TMEM117: variants seen among roughly 807,000 people sequenced by gnomAD.
TMEM117 encodes transmembrane protein 117.
A neutral mutation model predicts 52.4 loss-of-function variants in TMEM117; 27 were observed. The observed-to-expected ratio is 0.51, with a 90% CI of 0.38 to 0.71. The LOEUF (loss-of-function observed/expected upper bound fraction) is 0.71. Among genes scored for constraint, TMEM117 ranks in the 30% least tolerant of loss-of-function variants. The pLI is 0.00. For missense variants in TMEM117, 556 were observed against 630.5 expected (o/e 0.88, Z 1.26); for synonymous variants, 215 against 206.3 (o/e 1.04, Z -0.36).
intron 3 of TMEM117, among the ~76,000 whole-genome samples, chr12:43,948,491 GAGA>G (rs1326309586): frequency 6.6e-6 from 1 of 151,990 alleles, no homozygotes; most frequent in Non-Finnish European, 1.5e-5. Context: ...ATTTTTAATA[GAGA>G]CGGGGTTTCA....
chr12:44,211,819 T>G (rs113909490), intron 5 of TMEM117, among the ~76,000 whole-genome samples: 39 of 152,350 alleles, frequency 2.6e-4, no homozygotes, highest in Non-Finnish European at 4.1e-4. Context: ...CTTCTTTATG[T>G]AGTTTCGTTT....
chr12:43,990,633 T>A (rs1945922822), intron 3 of TMEM117, among the ~76,000 whole-genome samples: 1 of 152,232 alleles, frequency 6.6e-6, no homozygotes, highest in Admixed American at 6.6e-5. Context: ...GTGTGCTGGA[T>A]CTTTCATCCA....
intron 3 of TMEM117, among the ~76,000 whole-genome samples, chr12:44,104,358 A>C (rs1947916093): frequency 6.6e-6 from 1 of 151,652 alleles, no homozygotes; most frequent in Non-Finnish European, 1.5e-5. Flanking sequence ...AGCATACACA[A>C]TCTCATCAAT....
At chr12:43,904,745 T>A (rs1944356998) in intron 2 of TMEM117, among the ~76,000 whole-genome samples, 1 of 152,242 alleles carries the variant, frequency 6.6e-6, no homozygotes, top group Admixed American at 6.5e-5. Context: ...ATATTCTCTG[T>A]ACGCAAGAAA....
chr12:44,262,800 G>C (rs936648710), intron 5 of TMEM117, among the ~76,000 whole-genome samples: 1 of 152,158 alleles, frequency 6.6e-6, no homozygotes, highest in Non-Finnish European at 1.5e-5. Context: ...TGTTAGCCAA[G>C]ATGGTCTCCA....
intron 3 of TMEM117, among the ~76,000 whole-genome samples, chr12:44,022,517 G>C (rs1294773350): frequency 1.3e-5 from 2 of 152,158 alleles, no homozygotes; most frequent in Non-Finnish European, 2.9e-5. Context: ...CTAATGCATA[G>C]ACATGCATAT....
At chr12:43,814,738 CTTTTTTTTT>C in the TMEM117 span, among the ~76,000 whole-genome samples, 5 of 107,630 alleles carry the variant, frequency 4.6e-5, no homozygotes, top group Admixed American at 4.0e-4. Context: ...GGGTTTGAAT[CTTTTTTTTT>C]TTTTTTTTTT....
At chr12:43,879,779 A>T (rs1384924125) in intron 2 of TMEM117, among the ~76,000 whole-genome samples, 1 of 152,232 alleles carries the variant, frequency 6.6e-6, no homozygotes, top group Non-Finnish European at 1.5e-5. Context: ...CTTTGGAGTA[A>T]TCTATCTCCA....
intron 2 of TMEM117, among the ~76,000 whole-genome samples, chr12:43,863,313 A>C (rs186345876): frequency 3.9e-5 from 6 of 152,200 alleles, no homozygotes; most frequent in Admixed American, 2.0e-4. Context: ...TGGAGCCTAA[A>C]GAGTAAGGAA....
the TMEM117 span, among the ~76,000 whole-genome samples, chr12:43,813,037 G>A: frequency 6.6e-6 from 1 of 150,994 alleles, no homozygotes; most frequent in Non-Finnish European, 1.5e-5. Context: ...AGCACCAGCA[G>A]CAGCTGAGTC....
intron 3 of TMEM117, among the ~76,000 whole-genome samples, chr12:43,951,349 G>A (rs1195500107): frequency 2.0e-5 from 3 of 152,206 alleles, no homozygotes; most frequent in Non-Finnish European, 4.4e-5. Context: ...GTCTTGCTCA[G>A]TGGCTCCCAC....
intron 3 of TMEM117, among the ~76,000 whole-genome samples, chr12:43,948,495 C>CCA (rs1565764452): frequency 6.6e-6 from 1 of 151,824 alleles, no homozygotes; most frequent in Non-Finnish European, 1.5e-5. Flanking sequence ...TTAATAGAGA[C>CCA]GGGGTTTCAC....
At chr12:44,236,846 G>A (rs932036623) in intron 5 of TMEM117, among the ~76,000 whole-genome samples, 1 of 152,062 alleles carries the variant, frequency 6.6e-6, no homozygotes, top group African/African-American at 2.4e-5. Context: ...TAATAAAGCT[G>A]GGATGGGAGT....
chr12:43,879,586 G>T (rs968490221), intron 2 of TMEM117, among the ~76,000 whole-genome samples: 1 of 152,128 alleles, frequency 6.6e-6, no homozygotes, highest in Non-Finnish European at 1.5e-5. Context: ...GTCTAATGAG[G>T]GCTATGTCAT....
In TMEM117 at chr12:44,304,428, T is replaced by A. The variant is rs1006375760; in HGVS notation, c.768+4689T>A. 3.3e-5 allele frequency among the ~76,000 whole-genome samples: 5 copies of A among 152,292 alleles called. No individual in the cohort carries two copies. In the East Asian group the frequency reaches 9.7e-4, roughly 29 times the overall value. ...CTTGGAATTTCTTGGCTAGTCCTTGTGCTGTGCTGAGCTTGGAGGCAGTAG... is the reference window on the plus strand; with the variant it reads ...CTTGGAATTTCTTGGCTAGTCCTTGAGCTGTGCTGAGCTTGGAGGCAGTAG... On this transcript the variant is annotated intron_variant, in intron 6 of 7. Coordinates refer to ENST00000266534, the MANE Select transcript of TMEM117 (RefSeq NM_032256.3).
chr12:44,218,134 G>C (rs574843924), intron 5 of TMEM117, among the ~76,000 whole-genome samples: 7 of 151,922 alleles, frequency 4.6e-5, no homozygotes, highest in Non-Finnish European at 1.0e-4. Context: ...TGAGGCAGGA[G>C]AATTGCTTGA....
At chr12:44,224,394 G>C (rs1259925695) in intron 5 of TMEM117, among the ~76,000 whole-genome samples, 1 of 152,046 alleles carries the variant, frequency 6.6e-6, no homozygotes, top group Non-Finnish European at 1.5e-5. Context: ...TTAATCTGCA[G>C]ATTCATTGAT....
chr12:44,126,824 T>C (rs959706355), intron 3 of TMEM117, among the ~76,000 whole-genome samples: 1 of 152,234 alleles, frequency 6.6e-6, no homozygotes, highest in Non-Finnish European at 1.5e-5. Context: ...TTACCTGTTA[T>C]CTGCAGCTGT....
intron 7 of TMEM117, 134 bp from the exon 8 acceptor site, chr12:44,387,892 C>G: frequency 2.3e-6 from 2 of 870,782 alleles, no homozygotes; most frequent in East Asian, 5.3e-5. Flanking sequence ...ACAGCACTCT[C>G]AAAATATTAA....
Sources: allele counts gnomAD v4.1 joint callset (sites outside exome capture counted in the v4.1 genomes callset), GRCh38; gene constraint gnomAD v4.1.1; transcripts MANE v1.5; gene names NCBI Gene and HGNC (gene_info 2026-07-23, HGNC 2026-07-21).